The following SEC14L5 variants were observed in gnomAD, a reference collection of about 807,000 sequenced individuals.
The protein encoded by SEC14L5 is SEC14 like lipid binding 5.
A neutral mutation model predicts 84.6 loss-of-function variants in SEC14L5; 96 were observed. The observed-to-expected ratio is 1.13, with a 90% CI of 0.96 to 1.34. The LOEUF (loss-of-function observed/expected upper bound fraction) is 1.34, where lower values mean the gene tolerates loss of function less well. SEC14L5 is among the 40% of genes most tolerant of loss of function. SEC14L5 has a pLI of 0.00. For missense variants in SEC14L5, 1,224 were observed against 942.5 expected, an observed-to-expected ratio of 1.30 and a Z score of -3.91; for synonymous variants, 546 against 383.4, an observed-to-expected ratio of 1.42 and a Z score of -4.95.
chr16:4,977,777 C>T (rs1422065854), intron 2 of SEC14L5, among the ~76,000 whole-genome samples: 3 of 151,802 alleles, frequency 2.0e-5, no homozygotes, highest in African/African-American at 7.2e-5. Flanking sequence ...GAATTTTATT[C>T]AGCCAGTGTT....
intron 2 of SEC14L5, among the ~76,000 whole-genome samples, chr16:4,981,907 G>T (rs549411004): frequency 6.6e-6 from 1 of 152,146 alleles, no homozygotes; most frequent in African/African-American, 2.4e-5. Context: ...TCTGTCCTCC[G>T]TGGGGAGATG....
At chr16:4,995,596 G>C (rs183724305) in intron 6 of SEC14L5, among the ~76,000 whole-genome samples, 1 of 151,124 alleles carries the variant, frequency 6.6e-6, no homozygotes, top group East Asian at 1.9e-4. Context: ...ACCTCTCTAG[G>C]CCTCAGTTTT....
At chr16:4,985,216 A>G (rs1016017427) in intron 2 of SEC14L5, among the ~76,000 whole-genome samples, 4 of 151,938 alleles carry the variant, frequency 2.6e-5, no homozygotes, top group African/African-American at 9.7e-5. Flanking sequence ...AAAAATTATT[A>G]TTATTATTTT....
At position 5,016,874 on chromosome 16, in the gene SEC14L5, A is replaced by G. The variant is rs369926909; in HGVS notation, c.*1904A>G. 1 of 152,226 alleles carries G rather than the reference A, an allele frequency of 6.6e-6. No homozygotes were observed. The highest frequency in any genetic ancestry group is 6.5e-5 in the Admixed American group (1 of 15,284). 9.4% of individuals were successfully genotyped at this position (152,226 alleles called of 1,614,324 possible). Reference sequence around the variant, plus strand: ...CGCTTCTCAGGTATCTGAACAAAATAGATTGCTTTGCACTCTGCGTCAAGG... The same window carrying G: ...CGCTTCTCAGGTATCTGAACAAAATGGATTGCTTTGCACTCTGCGTCAAGG... On this transcript the variant is annotated 3_prime_UTR_variant, in exon 16 of 16. Transcript: ENST00000251170.
At position 5,007,349 on chromosome 16, in the gene SEC14L5, C is replaced by T; in HGVS notation, c.1438-3C>T. 6.2e-7 allele frequency: 1 copy of T among 1,613,526 alleles called. No homozygotes were observed. Among genetic ancestry groups the T allele is most frequent in the Non-Finnish European group, 8.5e-7 (1 of 1,179,662 alleles). On this transcript the variant is annotated splice_polypyrimidine_tract_variant and splice_region_variant and intron_variant, in intron 12 of 15. Coordinates refer to ENST00000251170, the MANE Select transcript of SEC14L5 (RefSeq NM_014692.2). The stretch of plus-strand genomic sequence containing the variant: ...CCTGCTGCCCTTTATCTCTGACCTG[C>T]AGTGTAATGTCCCCGAAGGAGGGCT...
At chr16:4,977,517 C>T (rs1955360713) in intron 2 of SEC14L5, among the ~76,000 whole-genome samples, 2 of 136,260 alleles carry the variant, frequency 1.5e-5, no homozygotes, top group African/African-American at 5.5e-5. Context: ...AAAATGAACA[C>T]ATGCTGAATT....
Position 4,962,580 on chromosome 16 carries a change from C to T in SEC14L5, c.63+3194C>T, listed in dbSNP as rs539820554. Among the ~76,000 whole-genome samples, 3 of 146,986 alleles carry T rather than the reference C, an allele frequency of 2.0e-5. No individual in the cohort carries two copies. In the Admixed American group the frequency reaches 2.1e-4, roughly 10 times the overall value. ...GCAAGCACCTGTAATCCCAGCTATT[C>T]GGGAGGCTGAGAGAGGAGAATCGCT... On this transcript the variant is annotated intron_variant, in intron 2 of 15. Transcript: ENST00000251170.
intron 2 of SEC14L5, among the ~76,000 whole-genome samples, chr16:4,984,884 T>C (rs1955466941): frequency 6.6e-6 from 1 of 152,226 alleles, no homozygotes; most frequent in South Asian, 2.1e-4. Context: ...TAAAATTGGG[T>C]CATCTCTTTA....
intron 2 of SEC14L5, among the ~76,000 whole-genome samples, chr16:4,974,723 G>A (rs1032655899): frequency 6.6e-6 from 1 of 151,758 alleles, no homozygotes; most frequent in African/African-American, 2.4e-5. Context: ...CTCCCTCCCA[G>A]TCTTCCCCTC....
chr16:5,001,633 G>A (rs1955679330), intron 10 of SEC14L5, among the ~76,000 whole-genome samples: 1 of 152,088 alleles, frequency 6.6e-6, no homozygotes, highest in Non-Finnish European at 1.5e-5. Flanking sequence ...CAGGAACCCA[G>A]TGTCCTCTGC....
At chr16:4,986,539 T>A (rs1223377655) in intron 2 of SEC14L5, among the ~76,000 whole-genome samples, 1 of 152,226 alleles carries the variant, frequency 6.6e-6, no homozygotes, top group Admixed American at 6.5e-5. Flanking sequence ...TATTTCCATA[T>A]GAATTTTGGG....
chr16:4,982,598 G>A (rs560734100), intron 2 of SEC14L5, among the ~76,000 whole-genome samples: 2 of 152,214 alleles, frequency 1.3e-5, no homozygotes, highest in African/African-American at 4.8e-5. Flanking sequence ...CGAGGACAGT[G>A]AGGGGCCCTT....
intron 6 of SEC14L5, among the ~76,000 whole-genome samples, chr16:4,994,597 G>T (rs750793165): frequency 2.0e-5 from 3 of 152,042 alleles, no homozygotes; most frequent in Non-Finnish European, 4.4e-5. Context: ...TCCTGCCTTG[G>T]TCTCCCAAAG....
chr16:4,997,174 C>T lies in SEC14L5; in HGVS notation c.970+130C>T, dbSNP rs896002358. ...AGTGCAGTGGTGCCATCTCGGCTCA[C>T]CATAATCTCCGCTTCCCGGGTTCAA... On this transcript the variant is annotated intron_variant, in intron 8 of 15. Transcript: ENST00000251170. The T allele has an allele frequency of 5.0e-6, 3 of 605,776 alleles. No individual in the cohort carries two copies. The African/African-American group carries it at 5.8e-5, about 12-fold the overall frequency. The allele number at this position is 605,776 out of a possible 1,614,324, so 37.5% of individuals were successfully genotyped here. A position where few individuals can be genotyped will look rare whatever the true frequency, so the allele number is the denominator to read the frequency against.
chr16:4,999,133 A>G (rs1431190095), intron 8 of SEC14L5, among the ~76,000 whole-genome samples: 2 of 152,182 alleles, frequency 1.3e-5, no homozygotes, highest in Non-Finnish European at 2.9e-5. Flanking sequence ...GCTGTTTAAA[A>G]TGCCTCTTCG....
chr16:4,999,465 A>C (rs142182550), intron 8 of SEC14L5, among the ~76,000 whole-genome samples: 1 of 151,830 alleles, frequency 6.6e-6, no homozygotes, highest in African/African-American at 2.4e-5. Flanking sequence ...AAAAAATACA[A>C]AAAAATTATC....
intron 6 of SEC14L5, among the ~76,000 whole-genome samples, chr16:4,995,669 C>T (rs1024861542): frequency 6.7e-6 from 1 of 149,978 alleles, no homozygotes; most frequent in Non-Finnish European, 1.5e-5. Context: ...CTCTGTTGCC[C>T]AGGCTGGAGT....
rs918348369 is a variant in SEC14L5 at position 5,018,745 on chromosome 16, A to G, written c.*3775A>G. ...TATTCTGAGTGGTATTTCCCTTGGCAGTTAGAAAATGTTTTTTCCCAGAGG... is the reference window on the plus strand; with the variant it reads ...TATTCTGAGTGGTATTTCCCTTGGCGGTTAGAAAATGTTTTTTCCCAGAGG... On this transcript the variant is annotated 3_prime_UTR_variant, in exon 16 of 16. Coordinates refer to ENST00000251170, the MANE Select transcript of SEC14L5 (RefSeq NM_014692.2). 7 of 152,318 alleles carry G rather than the reference A, an allele frequency of 4.6e-5. 1 individual carries two copies. The highest frequency in any genetic ancestry group is 1.7e-4 in the African/African-American group (7 of 41,556). The allele number at this position is 152,318 out of a possible 1,614,324, so 9.4% of individuals were successfully genotyped here.
chr16:4,974,052 G>T (rs969515971), intron 2 of SEC14L5, among the ~76,000 whole-genome samples: 1 of 152,042 alleles, frequency 6.6e-6, no homozygotes, highest in Non-Finnish European at 1.5e-5. Context: ...AGATGAGTCG[G>T]ATGAGTGGTT....
Sources: gnomAD v4.1 joint callset for allele counts (sites outside exome capture counted in the v4.1 genomes callset) on GRCh38, gnomAD v4.1.1 for gene constraint, MANE v1.5 for transcripts, NCBI Gene and HGNC (gene_info 2026-07-23, HGNC 2026-07-21) for gene names.